SULF2: variants seen among roughly 807,000 people sequenced by gnomAD.
The protein encoded by SULF2 is sulfatase 2.
SULF2 carries 52 observed loss-of-function variants against 107.7 expected under a neutral mutation model. The observed-to-expected ratio is 0.48, with a 90% CI of 0.39 to 0.61. SULF2 has a LOEUF of 0.61. Among genes scored for constraint, SULF2 ranks in the 20% least tolerant of loss-of-function variants. SULF2 has a pLI of 0.00. For synonymous variants in SULF2, 460 were observed against 464.3 expected, an observed-to-expected ratio of 0.99 and a Z score of 0.12; for missense variants, 993 against 1,177.3, an observed-to-expected ratio of 0.84 and a Z score of 2.29.
In SULF2 at chr20:47,757,180, G is replaced by T. The variant is rs558505587; in HGVS notation, c.175+9C>A. 7.8e-6 allele frequency: 12 copies of T among 1,544,400 alleles called. No individual in the cohort carries two copies. Among genetic ancestry groups the T allele is most frequent in the Non-Finnish European group, 8.8e-6 (10 of 1,140,862 alleles). ...GGCCGAGGTGCCACCCTGGGGCCCC[G>T]AGGCTTACCCAGCTCCACATCCTGG... On this transcript the variant is annotated intron_variant, in intron 2 of 20. Coordinates refer to ENST00000688720, the MANE Select transcript of SULF2 (RefSeq NM_001387048.1).
chr20:47,678,549 G>T lies in SULF2; in HGVS notation c.1193+127C>A. On this transcript the variant is annotated intron_variant, in intron 8 of 20. Coordinates refer to ENST00000688720, the MANE Select transcript of SULF2 (RefSeq NM_001387048.1). The surrounding 1 kb of genome is among the most constrained non-coding windows in gnomAD (Gnocchi z 4.5). Reference sequence around the variant, plus strand: ...CCCACAGCAGGTAAGTGGTTGGCATGGCGGGACCTGAGAACCCCAGCTCCC... The same window carrying T: ...CCCACAGCAGGTAAGTGGTTGGCATTGCGGGACCTGAGAACCCCAGCTCCC... 2 of 1,024,372 alleles carry T rather than the reference G, an allele frequency of 2.0e-6. No individual in the cohort carries two copies. Among genetic ancestry groups the T allele is most frequent in the Non-Finnish European group, 2.8e-6 (2 of 716,004 alleles). 63.5% of individuals were successfully genotyped at this position (1,024,372 alleles called of 1,614,324 possible).
intron 8 of SULF2, among the ~76,000 whole-genome samples, chr20:47,677,683 C>T (rs1000431662): frequency 3.9e-5 from 6 of 152,214 alleles, no homozygotes; most frequent in African/African-American, 1.2e-4. Flanking sequence ...ATGTTTCATC[C>T]AGTGCCACCT....
At chr20:47,689,946 C>T (rs902579725) in intron 5 of SULF2, 180 bp downstream of exon 5, 2 of 555,958 alleles carry the variant, frequency 3.6e-6, no homozygotes, top group Non-Finnish European at 5.4e-6. Flanking sequence ...GTTGCCCAGG[C>T]TGTCTGGAGT....
intron 2 of SULF2, among the ~76,000 whole-genome samples, chr20:47,738,131 G>A (rs1156940946): frequency 6.6e-6 from 1 of 152,192 alleles, no homozygotes; most frequent in African/African-American, 2.4e-5. Context: ...GCAAATGAAC[G>A]TGTGTGGGAG....
intron 4 of SULF2, among the ~76,000 whole-genome samples, chr20:47,692,621 G>C (rs566887466): frequency 3.9e-4 from 59 of 152,186 alleles, no homozygotes; most frequent in African/African-American, 1.4e-3. Context: ...GGTCTCTACA[G>C]ACAGAGTCTT....
chr20:47,744,602 C>T (rs1366208585), intron 2 of SULF2, among the ~76,000 whole-genome samples: 3 of 151,988 alleles, frequency 2.0e-5, no homozygotes, highest in African/African-American at 4.8e-5. Flanking sequence ...TATAGATGAC[C>T]GAAAAATCTA....
At chr20:47,772,617 T>C (rs1036344713) in intron 1 of SULF2, among the ~76,000 whole-genome samples, 3 of 151,832 alleles carry the variant, frequency 2.0e-5, no homozygotes, top group African/African-American at 7.3e-5. Context: ...AAGTTAAAGG[T>C]TTTTACGTTG....
chr20:47,776,095 C>G (rs1291631892), intron 1 of SULF2, among the ~76,000 whole-genome samples: 1 of 152,096 alleles, frequency 6.6e-6, no homozygotes, highest in Non-Finnish European at 1.5e-5. Flanking sequence ...AAATATTGCT[C>G]CACAATGAGA....
At chr20:47,695,968 A>G (rs1164671242) in intron 4 of SULF2, among the ~76,000 whole-genome samples, 1 of 152,194 alleles carries the variant, frequency 6.6e-6, no homozygotes, top group Non-Finnish European at 1.5e-5. Context: ...CATGTGAAAA[A>G]TGCTCTTCTT....
intron 11 of SULF2, 76 bp downstream of exon 11, chr20:47,672,122 G>C: frequency 6.9e-7 from 1 of 1,457,824 alleles, no homozygotes; most frequent in South Asian, 1.3e-5. Flanking sequence ...CTGTGGAACT[G>C]TCGGAGTGAA....
chr20:47,697,580 C>T (rs560599666), intron 4 of SULF2, among the ~76,000 whole-genome samples: 1 of 152,298 alleles, frequency 6.6e-6, no homozygotes, highest in African/African-American at 2.4e-5. Context: ...AGGATTTGAA[C>T]CCTGGACCTG....
intron 3 of SULF2, among the ~76,000 whole-genome samples, chr20:47,732,788 A>C (rs567886163): frequency 6.6e-6 from 1 of 152,328 alleles, no homozygotes; most frequent in African/African-American, 2.4e-5. Context: ...GGTTGCAGTG[A>C]GCTGAGATTA....
intron 2 of SULF2, among the ~76,000 whole-genome samples, chr20:47,756,849 T>C (rs2090300911): frequency 6.6e-6 from 1 of 152,156 alleles, no homozygotes; most frequent in Non-Finnish European, 1.5e-5. Flanking sequence ...TTTCACCACG[T>C]TGGCCAGGCT....
rs1416073802 is a variant in SULF2 at position 47,737,006 on chromosome 20, G to T, written c.176-64C>A. 1.9e-6 allele frequency: 3 copies of T among 1,603,186 alleles called. No homozygotes were observed. In the East Asian group the frequency reaches 6.7e-5, roughly 36 times the overall value. On this transcript the variant is annotated intron_variant, in intron 2 of 20. Coordinates refer to ENST00000688720, the MANE Select transcript of SULF2 (RefSeq NM_001387048.1). ...ACCCGGGCGGCACCGGCACCAGGGG[G>T]CTCTCAGCACGTGGCATCCCTAGGT...
At chr20:47,731,904 T>G (rs2089622955) in intron 3 of SULF2, among the ~76,000 whole-genome samples, 1 of 152,232 alleles carries the variant, frequency 6.6e-6, no homozygotes, top group African/African-American at 2.4e-5. Context: ...TTGGCTGCGT[T>G]TGCATTTTGC....
intron 1 of SULF2, among the ~76,000 whole-genome samples, chr20:47,781,929 T>G (rs1676540636): frequency 6.6e-6 from 1 of 152,198 alleles, no homozygotes; most frequent in African/African-American, 2.4e-5. Context: ...GAATGGATTC[T>G]CATTACAAAA....
At position 47,680,468 on chromosome 20, in the gene SULF2, A is replaced by T. The variant is rs1400827327; in HGVS notation, c.1065-1664T>A. Among the ~76,000 whole-genome samples the T allele has an allele frequency of 1.3e-5, 2 of 152,166 alleles. No homozygotes were observed. The highest frequency in any genetic ancestry group is 2.9e-5 in the Non-Finnish European group (2 of 68,024). On this transcript the variant is annotated intron_variant, in intron 7 of 20. Coordinates refer to ENST00000688720, the MANE Select transcript of SULF2 (RefSeq NM_001387048.1). This position sits in a 1 kb window ranked among gnomAD's most constrained non-coding sequence, Gnocchi z 4.2. ...ACTTAAGGGGTGTGCCCAGCACAGG[A>T]CCCAGGACCTGTTGAATGGTGGACA...
chr20:47,737,586 C>A (rs2089768061), intron 2 of SULF2, among the ~76,000 whole-genome samples: 1 of 151,848 alleles, frequency 6.6e-6, no homozygotes, highest in Non-Finnish European at 1.5e-5. Flanking sequence ...AACCCACCAC[C>A]CCTCACCCCA....
At chr20:47,764,482 C>A (rs2090486756) in intron 1 of SULF2, among the ~76,000 whole-genome samples, 1 of 152,220 alleles carries the variant, frequency 6.6e-6, no homozygotes, top group Non-Finnish European at 1.5e-5. Flanking sequence ...CAGGGCAGCG[C>A]ATGTGAGCCA....
Sources: gnomAD v4.1 joint callset for allele counts (sites outside exome capture counted in the v4.1 genomes callset) on GRCh38, gnomAD v4.1.1 for gene constraint, Gnocchi (gnomAD v3.1) non-coding constraint, MANE v1.5 for transcripts, NCBI Gene and HGNC (gene_info 2026-07-23, HGNC 2026-07-21) for gene names.